KCMF1: variants seen among roughly 807,000 people sequenced by gnomAD.
KCMF1 encodes potassium channel modulatory factor 1.
In KCMF1, 3 loss-of-function variants were observed where a neutral mutation model predicts 41.1. That is an observed-to-expected ratio of 0.07 (90% confidence interval 0.03 to 0.19). The LOEUF (loss-of-function observed/expected upper bound fraction) is 0.19, where lower values mean the gene tolerates loss of function less well. Ranked by LOEUF, KCMF1 falls within the 10% of genes least tolerant of loss-of-function variation. The probability of loss-of-function intolerance (pLI) is 1.00; values close to 1 mark genes in which losing one functional copy is unlikely to be tolerated. For synonymous variants in KCMF1, 142 were observed against 164.5 expected (o/e 0.86, Z 1.04); for missense variants, 286 against 488.9 (o/e 0.58, Z 3.91).
intron 1 of KCMF1, among the ~76,000 whole-genome samples, chr2:84,988,295 C>T (rs1341735757): frequency 1.3e-5 from 2 of 151,826 alleles, no homozygotes; most frequent in African/African-American, 2.4e-5. Context: ...GAAGAGGCAG[C>T]AAGGGGAGAA....
chr2:85,032,220 G>A (rs1025944960), intron 2 of KCMF1, among the ~76,000 whole-genome samples: 2 of 152,062 alleles, frequency 1.3e-5, no homozygotes, highest in Non-Finnish European at 2.9e-5. Context: ...TGCCCAGGCT[G>A]GAGTGCAGTG....
intron 6 of KCMF1, among the ~76,000 whole-genome samples, chr2:85,050,755 A>G (rs1299515111): frequency 1.3e-5 from 2 of 152,224 alleles, no homozygotes; most frequent in African/African-American, 4.8e-5. Flanking sequence ...ATGACAATTC[A>G]TTGGGATGTT....
chr2:85,046,050 G>A, intron 4 of KCMF1, 54 bp from the exon 5 acceptor site: 1 of 1,454,136 alleles, frequency 6.9e-7, no homozygotes, highest in Non-Finnish European at 9.4e-7. Context: ...GGACTCAGGT[G>A]ATTTTTTTTC....
chr2:85,053,750 A>G lies in KCMF1; in HGVS notation c.*341A>G. 1 of 185,816 alleles carries G rather than the reference A, an allele frequency of 5.4e-6. No homozygotes were observed. Among genetic ancestry groups the G allele is most frequent in the Non-Finnish European group, 1.1e-5 (1 of 89,650 alleles). 11.5% of individuals were successfully genotyped at this position (185,816 alleles called of 1,614,324 possible). A position where few individuals can be genotyped will look rare whatever the true frequency, so the allele number is the denominator to read the frequency against. ...TATTTATGAATATTAATGAATAAAAACTGCTTGGATGGTTTACCTTAACTA... is the reference window on the plus strand; with the variant it reads ...TATTTATGAATATTAATGAATAAAAGCTGCTTGGATGGTTTACCTTAACTA... On this transcript the variant is annotated 3_prime_UTR_variant, in exon 7 of 7. Coordinates refer to ENST00000409785, the MANE Select transcript of KCMF1 (RefSeq NM_020122.5).
chr2:85,013,165 T>G (rs1286915076), intron 1 of KCMF1, among the ~76,000 whole-genome samples: 1 of 152,210 alleles, frequency 6.6e-6, no homozygotes, highest in East Asian at 1.9e-4. Flanking sequence ...TTTTAAATGC[T>G]TATTTACTTA....
At chr2:84,992,744 C>T (rs1292900980) in intron 1 of KCMF1, among the ~76,000 whole-genome samples, 8 of 152,158 alleles carry the variant, frequency 5.3e-5, no homozygotes, top group Admixed American at 5.2e-4. Context: ...GCCATTCTGC[C>T]TCAGCCTCCT....
At chr2:85,025,208 A>G (rs909699387) in intron 1 of KCMF1, among the ~76,000 whole-genome samples, 4 of 152,174 alleles carry the variant, frequency 2.6e-5, no homozygotes, top group Admixed American at 2.6e-4. Context: ...CTTCCAGTCC[A>G]TGAAGTTGGT....
intron 1 of KCMF1, among the ~76,000 whole-genome samples, chr2:84,985,118 G>A (rs900788994): frequency 6.6e-6 from 1 of 152,114 alleles, no homozygotes; most frequent in Non-Finnish European, 1.5e-5. Flanking sequence ...AAGTGTAGAG[G>A]TCCTGAAATT....
chr2:85,022,543 GGTT>G (rs1389334114), intron 1 of KCMF1, among the ~76,000 whole-genome samples: 2 of 152,088 alleles, frequency 1.3e-5, no homozygotes, highest in Non-Finnish European at 2.9e-5. Flanking sequence ...ACAGCCCAAA[GGTT>G]GTTGTAAACA....
chr2:85,002,844 C>CA (rs1674367953), intron 1 of KCMF1, among the ~76,000 whole-genome samples: 1 of 152,106 alleles, frequency 6.6e-6, no homozygotes, highest in Non-Finnish European at 1.5e-5. Flanking sequence ...TTTCTAGATA[C>CA]TTTGCCATTC....
At chr2:85,004,088 G>A (rs1260269223) in intron 1 of KCMF1, among the ~76,000 whole-genome samples, 1 of 152,188 alleles carries the variant, frequency 6.6e-6, no homozygotes, top group Non-Finnish European at 1.5e-5. Flanking sequence ...CTCCGAGTGG[G>A]ACAGTGCATG....
intron 1 of KCMF1, among the ~76,000 whole-genome samples, chr2:84,978,681 C>T (rs1673618298): frequency 6.6e-6 from 1 of 151,616 alleles, no homozygotes; most frequent in South Asian, 2.1e-4. Flanking sequence ...CAAGTAGCTG[C>T]ATTACAGGCA....
At chr2:84,995,353 G>T (rs1412343036) in intron 1 of KCMF1, among the ~76,000 whole-genome samples, 1 of 152,162 alleles carries the variant, frequency 6.6e-6, no homozygotes, top group Non-Finnish European at 1.5e-5. Context: ...TGCTATGATA[G>T]ATATGTTCAG....
intron 1 of KCMF1, among the ~76,000 whole-genome samples, chr2:84,986,742 CGTG>C (rs1673909839): frequency 6.6e-6 from 1 of 151,356 alleles, no homozygotes; most frequent in African/African-American, 2.4e-5. Flanking sequence ...ATTAGCCAGG[CGTG>C]GTGGTGGGCA....
chr2:85,012,192 ATC>A (rs1456830740), intron 1 of KCMF1, among the ~76,000 whole-genome samples: 1 of 152,204 alleles, frequency 6.6e-6, no homozygotes, highest in Non-Finnish European at 1.5e-5. Context: ...CAGGTAAGCA[ATC>A]TCTATAGCCA....
chr2:85,046,091 A>T lies in KCMF1; in HGVS notation c.427-13A>T, dbSNP rs1264238988. On this transcript the variant is annotated splice_polypyrimidine_tract_variant and intron_variant, in intron 4 of 6. Transcript: ENST00000409785. Reference sequence around the variant, plus strand: ...GTGAAATACTTTCGTTTTTTTCTTAACTTTTGGGTTATGATGAATCGAGTG... The same window carrying T: ...GTGAAATACTTTCGTTTTTTTCTTATCTTTTGGGTTATGATGAATCGAGTG... 3.1e-6 allele frequency: 5 copies of T among 1,588,142 alleles called. No homozygotes were observed. The highest frequency in any genetic ancestry group is 2.7e-5 in the African/African-American group (2 of 73,578).
At chr2:85,025,446 A>G (rs1391071970) in intron 1 of KCMF1, among the ~76,000 whole-genome samples, 1 of 152,152 alleles carries the variant, frequency 6.6e-6, no homozygotes, top group Non-Finnish European at 1.5e-5. Flanking sequence ...TCTTGGAACC[A>G]TCACCACTGT....
In KCMF1 at chr2:85,028,043, A is replaced by T. The variant is rs1225967984; in HGVS notation, c.171A>T (p.Thr57=). The T allele has an allele frequency of 6.3e-7, 1 of 1,580,914 alleles. No individual in the cohort carries two copies. The highest frequency in any genetic ancestry group is 8.6e-7 in the Non-Finnish European group (1 of 1,167,544). ...TTDHPMQCIL[T]RVDFDLYYGG... is the part of the protein sequence containing the mutation. ...ACCACCCAATGCAGTGCATATTAAC[A>T]AGGGTAGATTTTGGTAAGTAATTAA... Residue 57 remains threonine, a synonymous_variant, in exon 2 of 7, where the codon ACA becomes ACT. Coordinates refer to ENST00000409785, the MANE Select transcript of KCMF1 (RefSeq NM_020122.5).
At chr2:85,036,785 A>G (rs1296418092) in intron 3 of KCMF1, among the ~76,000 whole-genome samples, 4 of 150,646 alleles carry the variant, frequency 2.7e-5, no homozygotes, top group Admixed American at 6.6e-5. Flanking sequence ...TAACAGAACA[A>G]GACCCTGTCT....
Sources: gnomAD v4.1 joint callset for allele counts (sites outside exome capture counted in the v4.1 genomes callset) on GRCh38, gnomAD v4.1.1 for gene constraint, MANE v1.5 for transcripts, NCBI Gene and HGNC (gene_info 2026-07-23, HGNC 2026-07-21) for gene names.